Variants in TJP1 observed in about 807,000 individuals in gnomAD.
TJP1 encodes tight junction protein 1, also known as tight junction protein ZO-1.
Under a neutral mutation model 194.2 loss-of-function variants are expected in TJP1, and 43 were observed. The observed-to-expected ratio is 0.22, with a 90% CI of 0.17 to 0.29. The LOEUF (loss-of-function observed/expected upper bound fraction) is 0.29. Ranked by LOEUF, TJP1 falls within the 10% of genes least tolerant of loss-of-function variation. The pLI, the probability that TJP1 is intolerant of heterozygous loss-of-function variation, is 1.00. For synonymous variants in TJP1, 801 were observed against 779.0 expected (o/e 1.03, Z -0.47); for missense variants, 1,971 against 2,185.7 (o/e 0.90, Z 1.96).
intron 2 of TJP1, among the ~76,000 whole-genome samples, chr15:29,943,580 T>C (rs570631861): frequency 1.3e-3 from 176 of 136,186 alleles, no homozygotes; most frequent in African/African-American, 4.7e-3. Context: ...TGAGCTGAGA[T>C]TGTGCCACTG....
At chr15:29,836,751 C>T in intron 2 of TJP1, among the ~76,000 whole-genome samples, 1 of 152,188 alleles carries the variant, frequency 6.6e-6, no homozygotes, top group Admixed American at 6.5e-5. Flanking sequence ...ACAGAGCCCT[C>T]ATGAATGAGA....
At chr15:29,752,993 G>A (rs559678773) in intron 8 of TJP1, among the ~76,000 whole-genome samples, 9 of 152,196 alleles carry the variant, frequency 5.9e-5, no homozygotes, top group African/African-American at 2.2e-4. Flanking sequence ...AGTTCAAAAT[G>A]ATGTGACCTC....
Position 29,950,143 on chromosome 15 carries a change from AACCACCACCTCCACC to A in TJP1, c.306+6074_306+6088del, listed in dbSNP as rs1404269869. Among the ~76,000 whole-genome samples the A allele has an allele frequency of 1.9e-4, 2 of 10,344 alleles. 1 individual carries two copies. The highest frequency in any genetic ancestry group is 4.2e-4 in the Non-Finnish European group (2 of 4,768). The allele number at this position is 10,344 out of a possible 152,430, so 6.8% of individuals were successfully genotyped here. ...CAACCACCACCTCCACCACCACCACAACCACCACCTCCACCACCACCACAACCACTACCTCCACCT... is the reference window on the plus strand; with the variant it reads ...CAACCACCACCTCCACCACCACCACAACCACCACAACCACTACCTCCACCT... On this transcript the variant is annotated intron_variant, in intron 2 of 28. Coordinates refer to the TJP1 transcript ENST00000356107.
At chr15:29,734,486 A>AT in intron 11 of TJP1, 104 bp from the exon 12 acceptor site, 2 of 750,710 alleles carry the variant, frequency 2.7e-6, no homozygotes, top group East Asian at 3.2e-5. Context: ...AAAATATCAC[A>AT]TCTTTTTTTT....
chr15:29,716,056 G>A (rs932849921), intron 23 of TJP1, among the ~76,000 whole-genome samples: 2 of 152,132 alleles, frequency 1.3e-5, no homozygotes, highest in Non-Finnish European at 2.9e-5. Flanking sequence ...AAACCAACAC[G>A]AAACCCAGGG....
chr15:29,704,170 G>T lies in TJP1; in HGVS notation c.5204C>A (p.Ser1735Tyr). The change falls in exon 27 of 28, where the codon TCC (serine) becomes TAC (tyrosine). Residue 1735 changes from serine to tyrosine, a missense_variant. Coordinates refer to ENST00000614355, the MANE Select transcript of TJP1 (RefSeq NM_001330239.4). ...GAGTGAAGACAGCATACCCGACGAG[G>T]AGTCGGATGATTTTAGAGCAAAAGA... ...GWSFALKSSD[S>Y]SSGDPKTWQN... 1 of 1,558,658 alleles carries T rather than the reference G, an allele frequency of 6.4e-7. No individual in the cohort carries two copies. The highest frequency in any genetic ancestry group is 8.7e-7 in the Non-Finnish European group (1 of 1,150,176).
Position 29,738,865 on chromosome 15 carries a change from TAAAAAAAAAAAAAA to T in TJP1, c.1257-1465_1257-1452del, listed in dbSNP as rs71103406. On this transcript the variant is annotated intron_variant, in intron 10 of 27. Coordinates refer to ENST00000614355, the MANE Select transcript of TJP1 (RefSeq NM_001330239.4). ...CAACACAGCAAGACCCTGTCACTAC[TAAAAAAAAAAAAAA>T]AAAAAAAAAAAAAATTAGCTGGGTT... Among the ~76,000 whole-genome samples the T allele has an allele frequency of 1.6e-4, 8 of 48,866 alleles. No individual in the cohort carries two copies. In the South Asian group the frequency reaches 0.011, roughly 67 times the overall value. The allele number at this position is 48,866 out of a possible 152,430, so 32.1% of individuals were successfully genotyped here. A position where few individuals can be genotyped will look rare whatever the true frequency, so the allele number is the denominator to read the frequency against.
At chr15:29,870,826 A>T (rs1464258752) in intron 2 of TJP1, among the ~76,000 whole-genome samples, 1 of 152,234 alleles carries the variant, frequency 6.6e-6, no homozygotes, top group Non-Finnish European at 1.5e-5. Context: ...GACTAGAAAG[A>T]CCAATTTTAA....
chr15:29,855,351 T>C (rs1185249414), intron 2 of TJP1, among the ~76,000 whole-genome samples: 2 of 152,142 alleles, frequency 1.3e-5, no homozygotes, highest in Non-Finnish European at 2.9e-5. Context: ...TGAGTGAAGT[T>C]AATCAAATAA....
At chr15:29,783,651 C>G (rs2047516181) in intron 2 of TJP1, among the ~76,000 whole-genome samples, 1 of 152,194 alleles carries the variant, frequency 6.6e-6, no homozygotes, top group Non-Finnish European at 1.5e-5. Flanking sequence ...AGATCATGTC[C>G]TTTGCAAGAA....
Position 29,718,708 on chromosome 15 carries a change from C to A in TJP1, c.3434G>T (p.Arg1145Leu), listed in dbSNP as rs560566695. ...PAPLSYDSRP[R>L]YEQAPRASAL... The stretch of plus-strand genomic sequence containing the variant: ...GGATGCTCTAGGTGCCTGTTCGTAA[C>A]GTGGTCTGCTGTCGTAAGACAGAGG... The change falls in exon 21 of 28, where the codon CGT (arginine) becomes CTT (leucine). Residue 1145 changes from arginine to leucine, a missense_variant. This residue lies in a region of TJP1 where 1,108 missense variants were observed against 1,128.5 expected (regional missense o/e 0.98). Coordinates refer to ENST00000614355, the MANE Select transcript of TJP1 (RefSeq NM_001330239.4). The A allele has an allele frequency of 5.0e-6, 8 of 1,613,966 alleles. No homozygotes were observed. The highest frequency in any genetic ancestry group is 5.9e-6 in the Non-Finnish European group (7 of 1,180,020).
intron 8 of TJP1, chr15:29,760,436 T>A (rs1483656883): frequency 1.8e-6 from 1 of 566,894 alleles, no homozygotes; most frequent in Non-Finnish European, 3.1e-6. Context: ...AGTGCAGTGG[T>A]GCGATCTCGG....
chr15:29,780,562 G>A (rs1266257797), intron 2 of TJP1, among the ~76,000 whole-genome samples: 1 of 152,150 alleles, frequency 6.6e-6, no homozygotes, highest in Non-Finnish European at 1.5e-5. Flanking sequence ...ACATCTCTGT[G>A]GCCTGGGGGA....
In TJP1 at chr15:29,871,639, C is replaced by T. The variant is rs186682561; in HGVS notation, c.307-70937G>A. 3.0e-3 allele frequency among the ~76,000 whole-genome samples: 450 copies of T among 152,332 alleles called. 1 individual carries two copies. Among genetic ancestry groups the T allele is most frequent in the Non-Finnish European group, 4.6e-3 (315 of 68,028 alleles). On this transcript the variant is annotated intron_variant, in intron 2 of 28. Coordinates refer to the TJP1 transcript ENST00000356107. ...AGCTGGCCCGGCCACCCAGCTGAGGCGCCAAGCTGCACGTGAAAAAGCCGT... is the reference window on the plus strand; with the variant it reads ...AGCTGGCCCGGCCACCCAGCTGAGGTGCCAAGCTGCACGTGAAAAAGCCGT...
In TJP1 at chr15:29,708,570, A is replaced by T; in HGVS notation, c.4839T>A (p.Ala1613=). The T allele has an allele frequency of 6.2e-7, 1 of 1,605,812 alleles. No individual in the cohort carries two copies. Among genetic ancestry groups the T allele is most frequent in the Non-Finnish European group, 8.5e-7 (1 of 1,173,094 alleles). Residue 1613 remains alanine, a synonymous_variant, in exon 25 of 28, where the codon GCT becomes GCA. Transcript: ENST00000614355. ...QINNISTVPK[A]IPVSPSAVEE... ...GGCATAAGTCTTACCTCACAGGAAT[A>T]GCTTTAGGCACTGTGCTGATATTAT...
intron 27 of TJP1, among the ~76,000 whole-genome samples, chr15:29,702,071 C>T (rs2041581289): frequency 6.6e-6 from 1 of 151,858 alleles, no homozygotes; most frequent in Non-Finnish European, 1.5e-5. Context: ...TTTGCCAGAG[C>T]CCACATAATT....
At chr15:29,927,062 C>T (rs1421913602) in intron 2 of TJP1, among the ~76,000 whole-genome samples, 1 of 152,050 alleles carries the variant, frequency 6.6e-6, no homozygotes. Context: ...AAGGTAAATA[C>T]AAAGCATAGA....
At chr15:29,727,866 A>T in intron 16 of TJP1, 71 bp downstream of exon 16, 3 of 1,340,498 alleles carry the variant, frequency 2.2e-6, no homozygotes, top group Non-Finnish European at 3.2e-6. Context: ...TTCTACTTTC[A>T]AATTAACCAA....
At chr15:29,775,283 T>C (rs1224752519) in intron 2 of TJP1, among the ~76,000 whole-genome samples, 5 of 150,364 alleles carry the variant, frequency 3.3e-5, no homozygotes, top group South Asian at 2.1e-4. Context: ...AAATCTGTAG[T>C]GTTTCCTTCA....
Sources: gnomAD v4.1 joint callset for allele counts (sites outside exome capture counted in the v4.1 genomes callset) on GRCh38, gnomAD v4.1.1 for gene constraint, gnomAD v4.1.1 regional missense constraint, MANE v1.5 for transcripts, NCBI Gene and HGNC (gene_info 2026-07-23, HGNC 2026-07-21) for gene names.